Variants in DPH6 observed in about 807,000 individuals in gnomAD.
DPH6 encodes diphthine--ammonia ligase.
DPH6 carries 33 observed loss-of-function variants against 38.2 expected under a neutral mutation model. The ratio of observed to expected loss-of-function variants is 0.86; its 90% CI spans 0.65 to 1.15. DPH6 has a LOEUF of 1.15. Among genes scored for constraint, DPH6 ranks in the 50% most tolerant of loss-of-function variants. The pLI is 0.00. For synonymous variants in DPH6, 108 were observed against 103.0 expected (o/e 1.05, Z -0.30); for missense variants, 325 against 320.0 (o/e 1.02, Z -0.12).
Position 35,410,825 on chromosome 15 carries a change from A to G in DPH6, c.567+10T>C. 1 of 1,590,040 alleles carries G rather than the reference A, an allele frequency of 6.3e-7. No homozygotes were observed. On this transcript the variant is annotated intron_variant, in intron 6 of 8. Transcript: ENST00000256538. The stretch of plus-strand genomic sequence containing the variant: ...ATGGCTACATTTTGAGATCTAGTAT[A>G]AATTCTTACCTCTATGAGATAAGGC...
chr15:35,189,890 G>A, the DPH6 span, among the ~76,000 whole-genome samples: 1 of 152,182 alleles, frequency 6.6e-6, no homozygotes, highest in Non-Finnish European at 1.5e-5. Context: ...ATGGACTTAG[G>A]AAGCAGACAT....
At chr15:35,290,276 C>A (rs1409764605) in intron 3 of DPH6, among the ~76,000 whole-genome samples, 2 of 152,194 alleles carry the variant, frequency 1.3e-5, no homozygotes, top group African/African-American at 4.8e-5. Flanking sequence ...TAGCTTTCTA[C>A]TTTACTTCCA....
chr15:35,166,574 C>T, the DPH6 span, among the ~76,000 whole-genome samples: 1 of 151,956 alleles, frequency 6.6e-6, no homozygotes. Context: ...AGCTCAAAAA[C>T]ATGAACCATA....
chr15:35,238,014 G>T (rs1048521057), intron 3 of DPH6: 142 of 1,538,974 alleles, frequency 9.2e-5, no homozygotes, highest in Non-Finnish European at 7.6e-5. Flanking sequence ...GAAGAAAGGG[G>T]TCAGAAGCGA....
the DPH6 span, among the ~76,000 whole-genome samples, chr15:35,170,387 T>C: frequency 1.3e-5 from 2 of 152,176 alleles, no homozygotes; most frequent in Non-Finnish European, 2.9e-5. Flanking sequence ...ATCAAAGCCC[T>C]TTCTGTAAAA....
At chr15:35,247,230 C>T (rs972105969) in intron 3 of DPH6, among the ~76,000 whole-genome samples, 2 of 152,164 alleles carry the variant, frequency 1.3e-5, no homozygotes, top group African/African-American at 4.8e-5. Flanking sequence ...ATCATTATGG[C>T]ACATTGGTAA....
At chr15:35,234,736 G>C (rs897342424) in intron 3 of DPH6, among the ~76,000 whole-genome samples, 1 of 152,220 alleles carries the variant, frequency 6.6e-6, no homozygotes, top group Non-Finnish European at 1.5e-5. Flanking sequence ...GATCTAAACT[G>C]TATCAATGCA....
At chr15:35,442,028 G>T (rs1424360867) in intron 5 of DPH6, among the ~76,000 whole-genome samples, 1 of 151,858 alleles carries the variant, frequency 6.6e-6, no homozygotes, top group East Asian at 1.9e-4. Flanking sequence ...ACAAAAAAAT[G>T]ATAAATTGGA....
At chr15:35,183,139 A>C in the DPH6 span, among the ~76,000 whole-genome samples, 2 of 152,216 alleles carry the variant, frequency 1.3e-5, no homozygotes, top group Non-Finnish European at 2.9e-5. Flanking sequence ...AAACAGCTCT[A>C]CTTTACAAAT....
intron 3 of DPH6, chr15:35,237,071 A>G (rs2051557743): frequency 6.0e-6 from 3 of 503,442 alleles, no homozygotes; most frequent in Non-Finnish European, 1.1e-5. Context: ...ATGCATGCAC[A>G]TAGGCATTGT....
At chr15:35,361,140 AC>A (rs1232137629) in intron 3 of DPH6, among the ~76,000 whole-genome samples, 1 of 152,080 alleles carries the variant, frequency 6.6e-6, no homozygotes, top group Admixed American at 6.5e-5. Context: ...GCTGTTACTG[AC>A]ATGCAGCTGA....
At chr15:35,468,528 C>T (rs1595390789) in intron 3 of DPH6, among the ~76,000 whole-genome samples, 1 of 152,132 alleles carries the variant, frequency 6.6e-6, no homozygotes, top group South Asian at 2.1e-4. Flanking sequence ...CCTCATCTAC[C>T]ATTCTCCCTT....
intron 3 of DPH6, among the ~76,000 whole-genome samples, chr15:35,247,849 T>C (rs1313319554): frequency 6.6e-6 from 1 of 152,102 alleles, no homozygotes; most frequent in Non-Finnish European, 1.5e-5. Flanking sequence ...AGGTAAAAGG[T>C]CAAAGCAACT....
At chr15:35,400,841 C>G in intron 6 of DPH6, 1 of 784,644 alleles carries the variant, frequency 1.3e-6, no homozygotes, top group Non-Finnish European at 2.3e-6. Context: ...GATCCAAACA[C>G]CAAACATTCC....
At chr15:35,333,920 T>A (rs1471318569) in intron 3 of DPH6, among the ~76,000 whole-genome samples, 1 of 152,166 alleles carries the variant, frequency 6.6e-6, no homozygotes, top group Non-Finnish European at 1.5e-5. Flanking sequence ...GTGGTACATA[T>A]ACACCATGGA....
chr15:35,316,434 C>T (rs1218180796), intron 3 of DPH6, among the ~76,000 whole-genome samples: 2 of 151,980 alleles, frequency 1.3e-5, no homozygotes, highest in Non-Finnish European at 2.9e-5. Flanking sequence ...TAAAAAAGAA[C>T]TGAAAAGCAA....
rs142857058 is a variant in DPH6 at position 35,470,122 on chromosome 15, C to T, written c.313-15302G>A. Among the ~76,000 whole-genome samples, 332 of 152,158 alleles carry T rather than the reference C, an allele frequency of 2.2e-3. 1 individual carries two copies. Among genetic ancestry groups the T allele is most frequent in the African/African-American group, 7.6e-3 (314 of 41,510 alleles). On this transcript the variant is annotated intron_variant, in intron 3 of 8. Coordinates refer to ENST00000256538, the MANE Select transcript of DPH6 (RefSeq NM_080650.4). Reference sequence around the variant, plus strand: ...CTGAGGCAGGAGAATTGCTTGAACCCGGGAGGCAGAGGTTGCAGTGAGCCG... The same window carrying T: ...CTGAGGCAGGAGAATTGCTTGAACCTGGGAGGCAGAGGTTGCAGTGAGCCG...
intron 3 of DPH6, among the ~76,000 whole-genome samples, chr15:35,304,160 C>T (rs1038497122): frequency 6.6e-6 from 1 of 152,020 alleles, no homozygotes; most frequent in African/African-American, 2.4e-5. Flanking sequence ...ATAATATAGG[C>T]TAGCCAAAAC....
chr15:35,456,457 C>CTATATATA (rs34469895), intron 3 of DPH6, among the ~76,000 whole-genome samples: 3 of 144,140 alleles, frequency 2.1e-5, no homozygotes, highest in East Asian at 2.0e-4. Context: ...AGTCAAATTA[C>CTATATATA]TATATATATA....
Sources: gnomAD v4.1 joint callset for allele counts (sites outside exome capture counted in the v4.1 genomes callset) on GRCh38, gnomAD v4.1.1 for gene constraint, MANE v1.5 for transcripts, NCBI Gene and HGNC (gene_info 2026-07-23, HGNC 2026-07-21) for gene names.